Variants in SCUBE1 observed in about 807,000 individuals in gnomAD.
SCUBE1 encodes the protein signal peptide, CUB domain and EGF like domain containing 1.
Under a neutral mutation model 124.4 loss-of-function variants are expected in SCUBE1, and 59 were observed. The ratio of observed to expected loss-of-function variants is 0.47; its 90% confidence interval spans 0.38 to 0.59. SCUBE1 has a LOEUF of 0.59. Among genes scored for constraint, SCUBE1 ranks in the 20% least tolerant of loss-of-function variants. The probability of loss-of-function intolerance (pLI) is 0.00; values close to 1 mark genes in which losing one functional copy is unlikely to be tolerated. For synonymous variants in SCUBE1, 545 were observed against 550.9 expected, an observed-to-expected ratio of 0.99 and a Z score of 0.15; for missense variants, 1,150 against 1,371.2, an observed-to-expected ratio of 0.84 and a Z score of 2.55.
chr22:43,221,900 C>T (rs1197256212), intron 12 of SCUBE1, among the ~76,000 whole-genome samples: 1 of 152,082 alleles, frequency 6.6e-6, no homozygotes, highest in Non-Finnish European at 1.5e-5. Flanking sequence ...CATGTCTCTA[C>T]TAAAAATACA....
At chr22:43,230,505 C>A (rs1922508860) in intron 8 of SCUBE1, among the ~76,000 whole-genome samples, 1 of 152,222 alleles carries the variant, frequency 6.6e-6, no homozygotes, top group Non-Finnish European at 1.5e-5. Context: ...TCACCTCCTC[C>A]TCGACAGCCG....
chr22:43,296,585 G>A (rs571292265), intron 3 of SCUBE1, among the ~76,000 whole-genome samples: 2 of 152,360 alleles, frequency 1.3e-5, no homozygotes, highest in Admixed American at 1.3e-4. Flanking sequence ...CAACTGGTGA[G>A]AGAGACGGGG....
chr22:43,341,083 A>G lies in SCUBE1; in HGVS notation c.89-1848T>C, dbSNP rs753911864. Among the ~76,000 whole-genome samples the G allele has an allele frequency of 4.7e-5, 4 of 84,782 alleles. No homozygotes were observed. In the East Asian group the frequency reaches 6.5e-4, roughly 14 times the overall value. 55.6% of individuals were successfully genotyped at this position (84,782 alleles called of 152,430 possible). A position where few individuals can be genotyped will look rare whatever the true frequency, so the allele number is the denominator to read the frequency against. ...AAACACAACAGCATGACCCCCCTGC[A>G]CACACACACACACACACATGCATGC... On this transcript the variant is annotated intron_variant, in intron 1 of 21. Transcript: ENST00000360835.
At chr22:43,322,821 C>T (rs1304881886) in intron 2 of SCUBE1, among the ~76,000 whole-genome samples, 1 of 152,202 alleles carries the variant, frequency 6.6e-6, no homozygotes, top group African/African-American at 2.4e-5. Context: ...GACTTTTATT[C>T]TATGCTTGGG....
rs568484016 is a variant in SCUBE1 at position 43,258,398 on chromosome 22, C to T, written c.611-63G>A. On this transcript the variant is annotated intron_variant, in intron 5 of 21. Coordinates refer to ENST00000360835, the MANE Select transcript of SCUBE1 (RefSeq NM_173050.5). This position sits in a 1 kb window ranked among gnomAD's most constrained non-coding sequence, Gnocchi z 5.0. ...AGAACAACAAAAACGGTTAGTTTGCCGGTGTTGGCGGCTGCCTTCAGGGTA... is the reference window on the plus strand; with the variant it reads ...AGAACAACAAAAACGGTTAGTTTGCTGGTGTTGGCGGCTGCCTTCAGGGTA... The T allele has an allele frequency of 5.0e-5, 62 of 1,249,720 alleles. No homozygotes were observed. Among genetic ancestry groups the T allele is most frequent in the East Asian group, 1.9e-4 (8 of 43,008 alleles). The allele number at this position is 1,249,720 out of a possible 1,614,324, so 77.4% of individuals were successfully genotyped here. A position where few individuals can be genotyped will look rare whatever the true frequency, so the allele number is the denominator to read the frequency against.
rs759414463 is a variant in SCUBE1 at position 43,221,218 on chromosome 22, G to A, written c.1504C>T (p.His502Tyr). 2.5e-6 allele frequency: 4 copies of A among 1,611,644 alleles called. No homozygotes were observed. The highest frequency in any genetic ancestry group is 3.4e-6 in the Non-Finnish European group (4 of 1,179,964). The part of the protein sequence containing the change: ...IRDAKCHLRP[H>Y]SQARAKETAR... ...GTCTCCTTTGCTCGTGCCTGGCTGT[G>A]GGGCCGGAGGTGGCACTTGGCATCT... Residue 502 changes from histidine to tyrosine, a missense_variant, in exon 13 of 22, where the codon CAC (histidine) becomes TAC (tyrosine). Around this residue, in one of 3 missense-constraint regions of SCUBE1, gnomAD observed 757 missense variants for 840.9 expected, o/e 0.90. Transcript: ENST00000360835.
intron 2 of SCUBE1, among the ~76,000 whole-genome samples, chr22:43,323,035 T>C (rs1926608563): frequency 6.6e-6 from 1 of 152,208 alleles, no homozygotes; most frequent in African/African-American, 2.4e-5. Context: ...ACAAAGGTCT[T>C]TCAGTCTAGG....
intron 9 of SCUBE1, 132 bp from the exon 10 acceptor site, chr22:43,227,628 T>G: frequency 8.7e-7 from 1 of 1,153,096 alleles, no homozygotes; most frequent in Non-Finnish European, 1.2e-6. Context: ...GGGATGCAGA[T>G]GAGCAGTGCA....
Position 43,199,546 on chromosome 22 carries a change from A to G in SCUBE1, c.*4451T>C, listed in dbSNP as rs1200561163. 1 of 151,200 alleles carries G rather than the reference A, an allele frequency of 6.6e-6. No individual in the cohort carries two copies. The highest frequency in any genetic ancestry group is 6.6e-5 in the Admixed American group (1 of 15,200). The allele number at this position is 151,200 out of a possible 1,614,324, so 9.4% of individuals were successfully genotyped here. On this transcript the variant is annotated 3_prime_UTR_variant, in exon 22 of 22. Coordinates refer to ENST00000360835, the MANE Select transcript of SCUBE1 (RefSeq NM_173050.5). The stretch of plus-strand genomic sequence containing the variant: ...TACTTTATCTGTGTGTCCTAAGCCA[A>G]TGGGTAGCTGGAGAGAAAGCTGCCT...
intron 19 of SCUBE1, among the ~76,000 whole-genome samples, chr22:43,209,678 C>T (rs929634056): frequency 6.6e-6 from 1 of 152,348 alleles, no homozygotes; most frequent in African/African-American, 2.4e-5. Flanking sequence ...GAGCTGGAGC[C>T]TGAGGTCTCG....
rs143059842 is a variant in SCUBE1, at chr22:43,240,666, C to T, written c.728-1712G>A. On this transcript the variant is annotated intron_variant, in intron 6 of 21. Coordinates refer to ENST00000360835, the MANE Select transcript of SCUBE1 (RefSeq NM_173050.5). ...TAAGGACGAGCCTTCTCTTCCAGGG[C>T]GGAGGTGAGGGTCAAATCAACCCGC... Among the ~76,000 whole-genome samples, 159 of 152,322 alleles carry T rather than the reference C, an allele frequency of 1.0e-3. 1 individual carries two copies. The Middle Eastern group carries it at 0.02, about 20-fold the overall frequency.
chr22:43,216,421 G>A (rs1196969373), intron 15 of SCUBE1, among the ~76,000 whole-genome samples: 3 of 150,754 alleles, frequency 2.0e-5, no homozygotes, highest in Non-Finnish European at 4.4e-5. Context: ...TTGGGAGGCC[G>A]AGGTGGGCAG....
chr22:43,225,294 G>A (rs923298797), intron 10 of SCUBE1, among the ~76,000 whole-genome samples: 1 of 151,964 alleles, frequency 6.6e-6, no homozygotes, highest in Non-Finnish European at 1.5e-5. Context: ...GTAAAGCCAC[G>A]TCTAGAGCTA....
Position 43,306,575 on chromosome 22 carries a change from C to G in SCUBE1, c.349+13362G>C, listed in dbSNP as rs111319417. ...ACACTCCTACCAAGGGGAAGGTGGC[C>G]TCATACAGGGATGCAATCCCTGACC... On this transcript the variant is annotated intron_variant, in intron 3 of 21. Transcript: ENST00000360835. Among the ~76,000 whole-genome samples, 469 of 152,224 alleles carry G rather than the reference C, an allele frequency of 3.1e-3. 1 individual carries two copies. The highest frequency in any genetic ancestry group is 6.8e-3 in the Middle Eastern group (2 of 292).
chr22:43,217,720 C>G (rs1296837601), intron 15 of SCUBE1, among the ~76,000 whole-genome samples: 1 of 152,160 alleles, frequency 6.6e-6, no homozygotes, highest in East Asian at 1.9e-4. Flanking sequence ...GTCTCGTGTG[C>G]TGGTTCTGCC....
At chr22:43,288,143 C>T (rs1925218210) in intron 4 of SCUBE1, among the ~76,000 whole-genome samples, 2 of 152,238 alleles carry the variant, frequency 1.3e-5, no homozygotes, top group African/African-American at 4.8e-5. Context: ...GAAGGCACTT[C>T]TTTAACCGAC....
rs56841474 is a variant in SCUBE1 at position 43,312,186 on chromosome 22, C to T, written c.349+7751G>A. On this transcript the variant is annotated intron_variant, in intron 3 of 21. Transcript: ENST00000360835. ...TCTACAAATATTTACTAAATGCCTACAATATATCTGACACTGCACTAGGTT... is the reference window on the plus strand; with the variant it reads ...TCTACAAATATTTACTAAATGCCTATAATATATCTGACACTGCACTAGGTT... 2.6e-4 allele frequency among the ~76,000 whole-genome samples: 40 copies of T among 152,316 alleles called. No individual in the cohort carries two copies. The East Asian group carries it at 5.6e-3, about 21-fold the overall frequency.
chr22:43,212,184 C>A (rs1921589935), intron 17 of SCUBE1, among the ~76,000 whole-genome samples: 1 of 152,130 alleles, frequency 6.6e-6, no homozygotes, highest in Non-Finnish European at 1.5e-5. Context: ...CAGAGCCCTC[C>A]CCAGTGCTCC....
At chr22:43,298,937 AGCTGCTTGGGAGGCT>A (rs1289555036) in intron 3 of SCUBE1, among the ~76,000 whole-genome samples, 4 of 146,734 alleles carry the variant, frequency 2.7e-5, no homozygotes, top group Non-Finnish European at 5.9e-5. Flanking sequence ...CTGTAGTCCC[AGCTGCTTGGGAGGCT>A]GAGGCAGGAG....
Sources: allele counts gnomAD v4.1 joint callset (sites outside exome capture counted in the v4.1 genomes callset), GRCh38; gene constraint gnomAD v4.1.1; regional missense constraint gnomAD v4.1.1; non-coding constraint Gnocchi (gnomAD v3.1); transcripts MANE v1.5; gene names NCBI Gene and HGNC (gene_info 2026-07-23, HGNC 2026-07-21).